KNTC1: variants seen among roughly 807,000 people sequenced by gnomAD.
The protein encoded by KNTC1 is kinetochore associated 1.
KNTC1 carries 253 observed loss-of-function variants against 314.4 expected under a neutral mutation model. That is an observed-to-expected ratio of 0.80 (90% confidence interval 0.73 to 0.89). KNTC1 has a LOEUF of 0.89. KNTC1 is among the 40% of genes least tolerant of loss of function. The probability of loss-of-function intolerance (pLI) is 0.00; values close to 1 mark genes in which losing one functional copy is unlikely to be tolerated. For synonymous variants in KNTC1, 901 were observed against 901.4 expected, an observed-to-expected ratio of 1.00 and a Z score of 0.01; for missense variants, 2,475 against 2,572.9, an observed-to-expected ratio of 0.96 and a Z score of 0.82.
intron 5 of KNTC1, among the ~76,000 whole-genome samples, chr12:122,540,638 C>A (rs1276133728): frequency 6.6e-6 from 1 of 151,940 alleles, no homozygotes; most frequent in Non-Finnish European, 1.5e-5. Context: ...ACCAAGGAGA[C>A]ATTATATTCT....
In KNTC1 at chr12:122,584,996, T is replaced by A; in HGVS notation, c.3534+6T>A. ...ACTGTGGAATCCTCATGAAAGTAAG[T>A]TACTTTTGAGTTTTTTCCCTTAAAT... On this transcript the variant is annotated splice_donor_region_variant and intron_variant, in intron 36 of 63. Coordinates refer to ENST00000333479, the MANE Select transcript of KNTC1 (RefSeq NM_014708.6). 1 of 1,551,926 alleles carries A rather than the reference T, an allele frequency of 6.4e-7. No individual in the cohort carries two copies. Among genetic ancestry groups the A allele is most frequent in the Non-Finnish European group, 8.9e-7 (1 of 1,127,016 alleles).
intron 16 of KNTC1, among the ~76,000 whole-genome samples, chr12:122,552,125 C>G (rs1234976400): frequency 6.6e-6 from 1 of 152,042 alleles, no homozygotes; most frequent in Non-Finnish European, 1.5e-5. Context: ...CCAGGCTGGC[C>G]TTGAACTCCT....
chr12:122,574,263 C>T lies in KNTC1; in HGVS notation c.2284-19C>T, dbSNP rs1197654348. ...GAATTTTTAATTTTTAAAAAACATA[C>T]ATGTTTATCCCTTTTTAGGATTTAC... On this transcript the variant is annotated intron_variant, in intron 26 of 63. Transcript: ENST00000333479. The T allele has an allele frequency of 3.5e-6, 5 of 1,436,246 alleles. No homozygotes were observed. The African/African-American group carries it at 4.3e-5, about 12-fold the overall frequency. The allele number at this position is 1,436,246 out of a possible 1,614,324, so 89.0% of individuals were successfully genotyped here. A position where few individuals can be genotyped will look rare whatever the true frequency, so the allele number is the denominator to read the frequency against.
intron 43 of KNTC1, among the ~76,000 whole-genome samples, chr12:122,595,051 T>C (rs1236002493): frequency 2.0e-5 from 3 of 152,128 alleles, no homozygotes; most frequent in Admixed American, 6.5e-5. Flanking sequence ...AATTTTTATA[T>C]TTTTAATAGA....
chr12:122,571,873 A>G (rs1043004753), intron 24 of KNTC1, among the ~76,000 whole-genome samples: 16 of 151,690 alleles, frequency 1.1e-4, no homozygotes, highest in African/African-American at 3.9e-4. Context: ...GGATTTCACC[A>G]TGTTGGTCAG....
At chr12:122,613,303 C>A in intron 54 of KNTC1, 73 bp downstream of exon 54, 2 of 1,018,358 alleles carry the variant, frequency 2.0e-6, no homozygotes, top group Admixed American at 2.0e-5. Context: ...CTTTTAAGCC[C>A]TGAATTCAGA....
chr12:122,615,774 C>T (rs1464831799), intron 57 of KNTC1, among the ~76,000 whole-genome samples: 1 of 152,114 alleles, frequency 6.6e-6, no homozygotes, highest in Non-Finnish European at 1.5e-5. Flanking sequence ...GCCTGGGGAA[C>T]AGAGCTAGAT....
At chr12:122,554,076 A>AAAAATATATATATATATATATATATATAT (rs370146333) in intron 16 of KNTC1, among the ~76,000 whole-genome samples, 1 of 109,062 alleles carries the variant, frequency 9.2e-6, no homozygotes, top group African/African-American at 3.9e-5. Context: ...AAAAAAAAAA[A>AAAAATATATATATATATATATATATATAT]ATATATATAT....
chr12:122,598,368 C>CT (rs1459965419), intron 44 of KNTC1, among the ~76,000 whole-genome samples: 1 of 149,066 alleles, frequency 6.7e-6, no homozygotes, highest in Non-Finnish European at 1.5e-5. Context: ...GAAACAATTT[C>CT]TTTTTCATCT....
Position 122,551,890 on chromosome 12 carries a change from G to A in KNTC1, c.1272+194G>A, listed in dbSNP as rs117243285. On this transcript the variant is annotated intron_variant, in intron 16 of 63. Coordinates refer to ENST00000333479, the MANE Select transcript of KNTC1 (RefSeq NM_014708.6). Reference sequence around the variant, plus strand: ...GCAGAAAGATGTTACTGAGGAGGTCGTTTTCAGGTCAGGTCTTTTTTTTTT... The same window carrying A: ...GCAGAAAGATGTTACTGAGGAGGTCATTTTCAGGTCAGGTCTTTTTTTTTT... 4.2e-3 allele frequency among the ~76,000 whole-genome samples: 630 copies of A among 151,796 alleles called. 2 individuals carry two copies. The highest frequency in any genetic ancestry group is 6.6e-3 in the Non-Finnish European group (446 of 67,876).
At chr12:122,548,909 G>A (rs957628477) in intron 12 of KNTC1, among the ~76,000 whole-genome samples, 21 of 151,920 alleles carry the variant, frequency 1.4e-4, no homozygotes, top group African/African-American at 4.6e-4. Flanking sequence ...CAGAGGTTGC[G>A]GTAAGCTGAG....
chr12:122,573,419 T>C, intron 26 of KNTC1, 134 bp downstream of exon 26: 4 of 850,426 alleles, frequency 4.7e-6, no homozygotes, highest in Non-Finnish European at 7.2e-6. Context: ...TGGTTAAAAA[T>C]GTGGGTTAAT....
At chr12:122,611,030 T>A in intron 53 of KNTC1, 130 bp downstream of exon 53, 1 of 677,044 alleles carries the variant, frequency 1.5e-6, no homozygotes, top group South Asian at 1.8e-5. Flanking sequence ...GTATTCAAAG[T>A]CTGTCTCATC....
At position 122,530,094 on chromosome 12, in the gene KNTC1, G is replaced by T; in HGVS notation, c.31G>T (p.Asp11Tyr). 4 of 1,613,790 alleles carry T rather than the reference G, an allele frequency of 2.5e-6. No individual in the cohort carries two copies. The highest frequency in any genetic ancestry group is 3.4e-6 in the Non-Finnish European group (4 of 1,179,762). ...GAATGATATTGAGCTGCTAACAAAT[G>T]ATGATACCGGAAGTGGGTACCTGAG... MWNDIELLTN[D>Y]DTGSGYLSVG... is the part of the protein sequence containing the mutation. Residue 11 changes from aspartate to tyrosine, a missense_variant, in exon 2 of 64, where the codon GAT becomes TAT. Asp to Tyr is a radical substitution (Grantham distance 160, BLOSUM62 -3). Coordinates refer to ENST00000333479, the MANE Select transcript of KNTC1 (RefSeq NM_014708.6).
At chr12:122,580,717 G>T (rs773213181) in intron 33 of KNTC1, 47 bp downstream of exon 33, 1 of 1,309,672 alleles carries the variant, frequency 7.6e-7, no homozygotes, top group Non-Finnish European at 1.1e-6. Context: ...ACCAATCAGT[G>T]CATTTTTCCC....
chr12:122,534,874 A>C, intron 3 of KNTC1, 90 bp downstream of exon 3: 1 of 1,250,294 alleles, frequency 8.0e-7, no homozygotes, highest in Non-Finnish European at 1.1e-6. Context: ...TCTTTACTCC[A>C]TTATTTCTAA....
chr12:122,603,244 G>A lies in KNTC1; in HGVS notation c.5101+1G>A, dbSNP rs749359134. ...AGCCTTGCCCAGGATATCCCTGAAG[G>A]TATGAGCTCTTCTTTTAAAATTGTA... On this transcript the variant is annotated splice_donor_variant, in intron 48 of 63. Transcript: ENST00000333479. LOFTEE classifies it high-confidence loss of function. 2.6e-6 allele frequency: 4 copies of A among 1,556,104 alleles called. No individual in the cohort carries two copies. The Admixed American group carries it at 6.3e-5, about 24-fold the overall frequency.
At chr12:122,599,494 G>A (rs1445101140) in intron 44 of KNTC1, among the ~76,000 whole-genome samples, 1 of 151,870 alleles carries the variant, frequency 6.6e-6, no homozygotes, top group Non-Finnish European at 1.5e-5. Flanking sequence ...TGGGATTACA[G>A]GCATGCGCCA....
intron 42 of KNTC1, among the ~76,000 whole-genome samples, chr12:122,591,967 C>G (rs1469748463): frequency 6.6e-6 from 1 of 152,172 alleles, no homozygotes. Flanking sequence ...GTGGGAGCCC[C>G]TTTTTGGGCT....
Sources: allele counts gnomAD v4.1 joint callset (sites outside exome capture counted in the v4.1 genomes callset), GRCh38; gene constraint gnomAD v4.1.1; transcripts MANE v1.5; gene names NCBI Gene and HGNC (gene_info 2026-07-23, HGNC 2026-07-21).